MEIS2: variants seen among roughly 807,000 people sequenced by gnomAD.
MEIS2 encodes the protein Meis homeobox 2.
MEIS2 carries 9 observed loss-of-function variants against 58.6 expected under a neutral mutation model. That is an observed-to-expected ratio of 0.15 (90% confidence interval 0.09 to 0.27). MEIS2 has a LOEUF of 0.27. MEIS2 is among the 10% of genes least tolerant of loss of function. MEIS2 has a pLI of 1.00. For synonymous variants in MEIS2, 221 were observed against 228.4 expected (o/e 0.97, Z 0.29); for missense variants, 427 against 635.0 (o/e 0.67, Z 3.52).
intron 8 of MEIS2, among the ~76,000 whole-genome samples, chr15:36,958,656 C>A (rs1027116977): frequency 1.3e-5 from 2 of 152,124 alleles, no homozygotes; most frequent in African/African-American, 2.4e-5. Context: ...TAAAGCTGAG[C>A]ACAATCTTAT....
intron 9 of MEIS2, among the ~76,000 whole-genome samples, chr15:36,928,557 G>C (rs1191587403): frequency 6.6e-6 from 1 of 152,122 alleles, no homozygotes; most frequent in Non-Finnish European, 1.5e-5. Context: ...AGTGATTTAA[G>C]AAAAAGTACC....
At chr15:37,095,211 A>C (rs1186551255) in intron 4 of MEIS2, among the ~76,000 whole-genome samples, 1 of 139,188 alleles carries the variant, frequency 7.2e-6, no homozygotes, top group Non-Finnish European at 1.5e-5. Context: ...CAGTGGTTAC[A>C]TCCTTCGGGT....
At chr15:37,085,814 A>G (rs949770033) in intron 6 of MEIS2, among the ~76,000 whole-genome samples, 1 of 152,198 alleles carries the variant, frequency 6.6e-6, no homozygotes, top group African/African-American at 2.4e-5. Context: ...TTTTAATCTA[A>G]GTTAGAAACC....
intron 7 of MEIS2, among the ~76,000 whole-genome samples, chr15:37,060,390 C>A (rs556174322): frequency 5.9e-5 from 9 of 152,276 alleles, no homozygotes; most frequent in African/African-American, 2.2e-4. Flanking sequence ...GTTCTACACA[C>A]TTTTCTTAGG....
intron 8 of MEIS2, among the ~76,000 whole-genome samples, chr15:37,013,169 C>T (rs1054246242): frequency 2.0e-5 from 3 of 152,038 alleles, no homozygotes; most frequent in Admixed American, 6.5e-5. Context: ...CCAGATGGCA[C>T]CTTACAGCAA....
chr15:36,988,467 C>CA (rs1438457543), intron 8 of MEIS2, among the ~76,000 whole-genome samples: 1 of 145,858 alleles, frequency 6.9e-6, no homozygotes, highest in Non-Finnish European at 1.5e-5. Context: ...CTTCAGACAG[C>CA]AAAAATATTG....
At chr15:37,022,732 A>G (rs557046718) in intron 8 of MEIS2, among the ~76,000 whole-genome samples, 2 of 152,154 alleles carry the variant, frequency 1.3e-5, no homozygotes, top group East Asian at 1.9e-4. Flanking sequence ...CTCGTCTCCC[A>G]GGAGGGAGCA....
intron 8 of MEIS2, among the ~76,000 whole-genome samples, chr15:37,030,261 T>C (rs1239448541): frequency 3.9e-5 from 6 of 152,178 alleles, no homozygotes; most frequent in Non-Finnish European, 8.8e-5. Context: ...CAGGACTCTC[T>C]AATGCTATCA....
At chr15:36,948,519 C>T (rs541203150) in intron 9 of MEIS2, among the ~76,000 whole-genome samples, 3 of 152,018 alleles carry the variant, frequency 2.0e-5, no homozygotes, top group Admixed American at 6.6e-5. Flanking sequence ...AATATCCATG[C>T]GGAAATTTTA....
intron 9 of MEIS2, among the ~76,000 whole-genome samples, chr15:36,930,511 C>T (rs994849777): frequency 3.9e-5 from 6 of 152,098 alleles, no homozygotes; most frequent in Admixed American, 1.3e-4. Context: ...CCTCGATGAG[C>T]GATATGCATT....
chr15:36,979,319 T>C (rs1220602901), intron 8 of MEIS2, among the ~76,000 whole-genome samples: 1 of 152,160 alleles, frequency 6.6e-6, no homozygotes, highest in Non-Finnish European at 1.5e-5. Flanking sequence ...TATATGCATA[T>C]ATTCAAAATC....
intron 8 of MEIS2, among the ~76,000 whole-genome samples, chr15:36,983,424 C>G (rs180961018): frequency 3.9e-4 from 60 of 152,126 alleles, no homozygotes; most frequent in Admixed American, 3.1e-3. Context: ...ATTGTGTGTT[C>G]TTGCACCCTT....
intron 9 of MEIS2, among the ~76,000 whole-genome samples, chr15:36,922,786 ATT>A (rs780945599): frequency 4.4e-5 from 6 of 136,802 alleles, no homozygotes; most frequent in Non-Finnish European, 3.2e-5. Context: ...TAATATTTGT[ATT>A]TTTTTTTTTT....
chr15:36,982,541 T>A (rs1403864190), intron 8 of MEIS2, among the ~76,000 whole-genome samples: 1 of 152,194 alleles, frequency 6.6e-6, no homozygotes, highest in Non-Finnish European at 1.5e-5. Flanking sequence ...ATCATTTTCT[T>A]TATTCATCTG....
intron 9 of MEIS2, among the ~76,000 whole-genome samples, chr15:36,904,918 A>G (rs1015586380): frequency 1.3e-5 from 2 of 152,202 alleles, no homozygotes; most frequent in African/African-American, 2.4e-5. Flanking sequence ...CCTGTTCTCA[A>G]CAGATAAATC....
chr15:37,041,474 G>A (rs2062419993), intron 7 of MEIS2, among the ~76,000 whole-genome samples: 1 of 152,208 alleles, frequency 6.6e-6, no homozygotes, highest in Non-Finnish European at 1.5e-5. Flanking sequence ...TGCTCTCAAG[G>A]AAGTCACGCA....
chr15:37,075,576 G>A (rs1891295099), intron 7 of MEIS2, among the ~76,000 whole-genome samples: 1 of 151,836 alleles, frequency 6.6e-6, no homozygotes, highest in Non-Finnish European at 1.5e-5. Context: ...CTTAAAAAAG[G>A]AAAAAAGAAA....
At position 37,096,315 on chromosome 15, in the gene MEIS2, C is replaced by T; in HGVS notation, c.361G>A (p.Glu121Lys). The T allele has an allele frequency of 6.2e-7, 1 of 1,613,042 alleles. No homozygotes were observed. The highest frequency in any genetic ancestry group is 8.5e-7 in the Non-Finnish European group (1 of 1,179,472). The change falls in exon 3 of 12, where the codon GAG becomes AAG. Residue 121 changes from glutamate (E) to lysine (K), a missense_variant. Transcript: ENST00000561208. ...TGCTTGGCGAAGACCGCGATGTCCT[C>T]GTTGAAGGAGTCGGAGGAGCAGACG... ...GDVCSSDSFN[E>K]DIAVFAKQVR...
chr15:36,922,561 T>C (rs544111069), intron 9 of MEIS2, among the ~76,000 whole-genome samples: 142 of 151,926 alleles, frequency 9.3e-4, no homozygotes, highest in African/African-American at 3.2e-3. Flanking sequence ...CCTCTACTCC[T>C]GTTTTCTGTA....
Sources: allele counts gnomAD v4.1 joint callset (sites outside exome capture counted in the v4.1 genomes callset), GRCh38; gene constraint gnomAD v4.1.1; transcripts MANE v1.5; gene names NCBI Gene and HGNC (gene_info 2026-07-23, HGNC 2026-07-21).